GRB14: variants seen among roughly 807,000 people sequenced by gnomAD.
The protein encoded by GRB14 is growth factor receptor bound protein 14, also known as growth factor receptor-bound protein 14.
A neutral mutation model predicts 69.1 loss-of-function variants in GRB14; 38 were observed. That is an observed-to-expected ratio of 0.55 (90% CI 0.42 to 0.72). GRB14 has a LOEUF of 0.72. Ranked by LOEUF, GRB14 falls within the 30% of genes least tolerant of loss-of-function variation. The pLI, the probability that GRB14 is intolerant of heterozygous loss-of-function variation, is 0.00. For synonymous variants in GRB14, 247 were observed against 241.3 expected (o/e 1.02, Z -0.22); for missense variants, 666 against 666.1 (o/e 1.00, Z 0.00).
rs965109698 is a variant in GRB14, at chr2:164,503,874, T to C, written c.1024-1539A>G. Reference sequence around the variant, plus strand: ...TGTCCCTGGTACCTGCAGTGTTAGGTAGTTGCCTCTGTGCTTCTGAAGGTC... The same window carrying C: ...TGTCCCTGGTACCTGCAGTGTTAGGCAGTTGCCTCTGTGCTTCTGAAGGTC... On this transcript the variant is annotated intron_variant, in intron 8 of 13. Transcript: ENST00000263915. Among the ~76,000 whole-genome samples, 35 of 152,254 alleles carry C rather than the reference T, an allele frequency of 2.3e-4. 1 individual carries two copies. The highest frequency in any genetic ancestry group is 3.7e-4 in the Non-Finnish European group (25 of 68,022).
chr2:164,497,368 T>C lies in GRB14; in HGVS notation c.1221+6A>G, dbSNP rs2105255778. Reference sequence around the variant, plus strand: ...AATATTTTGAAGCATGTGAAGCTACTTGTACCCTCCAAGCGAGTCCTTCTT... The same window carrying C: ...AATATTTTGAAGCATGTGAAGCTACCTGTACCCTCCAAGCGAGTCCTTCTT... On this transcript the variant is annotated splice_donor_region_variant and intron_variant, in intron 10 of 13. Transcript: ENST00000263915. The C allele has an allele frequency of 1.2e-6, 2 of 1,609,386 alleles. No homozygotes were observed. The highest frequency in any genetic ancestry group is 4.5e-5 in the East Asian group (2 of 44,838).
intron 2 of GRB14, among the ~76,000 whole-genome samples, chr2:164,577,508 A>C (rs59970768): frequency 0.029 from 4,426 of 152,292 alleles, 202 homozygotes; most frequent in African/African-American, 0.1. Flanking sequence ...TCATGTGAAG[A>C]CATGCTTGCT....
At chr2:164,603,167 C>T (rs1689961489) in intron 2 of GRB14, among the ~76,000 whole-genome samples, 1 of 151,948 alleles carries the variant, frequency 6.6e-6, no homozygotes, top group South Asian at 2.1e-4. Context: ...TTTGATTAGC[C>T]ATTTAGCATT....
intron 9 of GRB14, among the ~76,000 whole-genome samples, chr2:164,499,784 T>A (rs1189096163): frequency 6.6e-6 from 1 of 152,178 alleles, no homozygotes; most frequent in Non-Finnish European, 1.5e-5. Flanking sequence ...ACAACCAGTA[T>A]CATCCCATTT....
Position 164,568,420 on chromosome 2 carries a change from A to G in GRB14, c.325-20604T>C. On this transcript the variant is annotated intron_variant, in intron 2 of 13. Coordinates refer to ENST00000263915, the MANE Select transcript of GRB14 (RefSeq NM_004490.3). ...TGATCCTGTCTCGTAGGTCATGGAC[A>G]AAATAAAAGAAATCTTTTATGGTTA... The G allele has an allele frequency of 2.4e-6, 3 of 1,253,494 alleles. No homozygotes were observed. In the South Asian group the frequency reaches 4.0e-5, roughly 17 times the overall value. The allele number at this position is 1,253,494 out of a possible 1,614,324, so 77.6% of individuals were successfully genotyped here.
chr2:164,621,427 C>G lies in GRB14; in HGVS notation c.-118G>C, dbSNP rs944246458. ...CCCGAGCGCTCTGCAGGTGTGGTGG[C>G]CTCGCCGCCTGCGCTCGGGGCCCCG... On this transcript the variant is annotated 5_prime_UTR_variant, in exon 1 of 14. Transcript: ENST00000263915. The surrounding 1 kb of genome is among the most constrained non-coding windows in gnomAD (Gnocchi z 6.0). 3.5e-5 allele frequency: 29 copies of G among 839,222 alleles called. No homozygotes were observed. The African/African-American group carries it at 4.3e-4, about 12-fold the overall frequency. 52.0% of individuals were successfully genotyped at this position (839,222 alleles called of 1,614,324 possible). A position where few individuals can be genotyped will look rare whatever the true frequency, so the allele number is the denominator to read the frequency against.
At chr2:164,560,498 G>A (rs1474806659) in intron 2 of GRB14, among the ~76,000 whole-genome samples, 1 of 151,944 alleles carries the variant, frequency 6.6e-6, no homozygotes, top group African/African-American at 2.4e-5. Context: ...ACAAGCTTGT[G>A]ACAAAGTTAA....
chr2:164,504,575 T>C (rs1162615625), intron 8 of GRB14, among the ~76,000 whole-genome samples: 1 of 152,154 alleles, frequency 6.6e-6, no homozygotes, highest in Non-Finnish European at 1.5e-5. Context: ...AAAGAGATCA[T>C]ATCATGTCTC....
At chr2:164,589,131 C>G (rs771736971) in intron 2 of GRB14, among the ~76,000 whole-genome samples, 1 of 152,120 alleles carries the variant, frequency 6.6e-6, no homozygotes, top group Non-Finnish European at 1.5e-5. Flanking sequence ...TGTACATTTA[C>G]AGACATTTTA....
intron 13 of GRB14, 113 bp from the exon 14 acceptor site, chr2:164,493,295 AAGAC>A (rs1241326367): frequency 1.5e-5 from 13 of 886,502 alleles, no homozygotes; most frequent in African/African-American, 5.1e-5. Flanking sequence ...ATAAAACTAA[AAGAC>A]AGTGAAAAGA....
intron 9 of GRB14, among the ~76,000 whole-genome samples, chr2:164,499,966 C>CAA (rs1687005198): frequency 6.6e-6 from 1 of 152,078 alleles, no homozygotes; most frequent in Admixed American, 6.6e-5. Flanking sequence ...GTGACTTGAC[C>CAA]AAAGTCACAC....
intron 2 of GRB14, among the ~76,000 whole-genome samples, chr2:164,600,936 C>G (rs1373861120): frequency 6.6e-6 from 1 of 151,936 alleles, no homozygotes; most frequent in Non-Finnish European, 1.5e-5. Context: ...CAGTCCATTG[C>G]CAAATCTCTA....
chr2:164,589,511 G>A (rs1689610405), intron 2 of GRB14, among the ~76,000 whole-genome samples: 1 of 152,126 alleles, frequency 6.6e-6, no homozygotes, highest in South Asian at 2.1e-4. Context: ...AGGGGAGCCA[G>A]CATGTGCACA....
chr2:164,603,533 G>A (rs2105354123), intron 2 of GRB14, among the ~76,000 whole-genome samples: 1 of 151,828 alleles, frequency 6.6e-6, no homozygotes, highest in East Asian at 1.9e-4. Flanking sequence ...GTGTGGTGGT[G>A]GGCACCTGTA....
At chr2:164,518,385 T>G (rs1313064451) in intron 6 of GRB14, among the ~76,000 whole-genome samples, 1 of 152,114 alleles carries the variant, frequency 6.6e-6, no homozygotes, top group East Asian at 1.9e-4. Context: ...AAGAGGAAAG[T>G]TCATAGCCTT....
chr2:164,612,886 C>A (rs1191802185), intron 2 of GRB14, among the ~76,000 whole-genome samples: 3 of 152,142 alleles, frequency 2.0e-5, no homozygotes, highest in Non-Finnish European at 4.4e-5. Flanking sequence ...TAAAGGCAAC[C>A]TTCAAACTAG....
intron 2 of GRB14, among the ~76,000 whole-genome samples, chr2:164,552,947 T>C (rs1034611516): frequency 1.3e-5 from 2 of 152,194 alleles, no homozygotes; most frequent in Non-Finnish European, 2.9e-5. Flanking sequence ...TGCTCTTTCA[T>C]ATGCAGCAAT....
intron 2 of GRB14, among the ~76,000 whole-genome samples, chr2:164,579,346 A>C (rs1689334931): frequency 6.6e-6 from 1 of 152,244 alleles, no homozygotes; most frequent in Non-Finnish European, 1.5e-5. Flanking sequence ...TATACATTTA[A>C]GAAAGATGAG....
intron 2 of GRB14, among the ~76,000 whole-genome samples, chr2:164,582,015 C>T (rs1432485725): frequency 6.6e-6 from 1 of 152,218 alleles, no homozygotes; most frequent in African/African-American, 2.4e-5. Context: ...CCAGCTTATT[C>T]AGACCCAAGA....
Sources: allele counts gnomAD v4.1 joint callset (sites outside exome capture counted in the v4.1 genomes callset), GRCh38; gene constraint gnomAD v4.1.1; non-coding constraint Gnocchi (gnomAD v3.1); transcripts MANE v1.5; gene names NCBI Gene and HGNC (gene_info 2026-07-23, HGNC 2026-07-21).